Variants in SOX5 observed in about 807,000 individuals in gnomAD.
SOX5 encodes the protein SRY-box transcription factor 5, also known as transcription factor SOX-5.
In SOX5, 9 loss-of-function variants were observed where a neutral mutation model predicts 92.0. The observed-to-expected ratio is 0.10, with a 90% confidence interval of 0.06 to 0.17. The LOEUF is 0.17. Ranked by LOEUF, SOX5 falls within the 10% of genes least tolerant of loss-of-function variation. The pLI, the probability that SOX5 is intolerant of heterozygous loss-of-function variation, is 1.00. For synonymous variants in SOX5, 344 were observed against 336.3 expected, an observed-to-expected ratio of 1.02 and a Z score of -0.25; for missense variants, 642 against 944.5, an observed-to-expected ratio of 0.68 and a Z score of 4.20.
intron 1 of SOX5, among the ~76,000 whole-genome samples, chr12:23,930,115 T>C (rs1398177204): frequency 6.6e-6 from 1 of 151,796 alleles, no homozygotes; most frequent in South Asian, 2.1e-4. Context: ...AACCAATAAA[T>C]GTAACTGCGT....
intron 2 of SOX5, among the ~76,000 whole-genome samples, chr12:24,359,815 T>C (rs1380967737): frequency 1.3e-5 from 2 of 152,174 alleles, no homozygotes; most frequent in Admixed American, 6.5e-5. Flanking sequence ...TGCAAAGACA[T>C]TTGAATAGCC....
intron 6 of SOX5, among the ~76,000 whole-genome samples, chr12:23,680,353 A>C (rs982474396): frequency 5.3e-5 from 8 of 150,512 alleles, no homozygotes; most frequent in Non-Finnish European, 1.2e-4. Flanking sequence ...AAAAAGAAAA[A>C]TATAATAACA....
chr12:23,885,767 A>C (rs567178120), intron 2 of SOX5, among the ~76,000 whole-genome samples: 23 of 152,310 alleles, frequency 1.5e-4, no homozygotes, highest in African/African-American at 5.5e-4. Flanking sequence ...TGTCACCTTA[A>C]GTTAGGTTTA....
At chr12:23,973,160 C>CTTTTTTTTTTTT (rs60609193) in intron 4 of SOX5, among the ~76,000 whole-genome samples, 1 of 111,998 alleles carries the variant, frequency 8.9e-6, no homozygotes. Flanking sequence ...TAACTTTTTT[C>CTTTTTTTTTTTT]TTTTTTTTTT....
chr12:24,115,120 A>G (rs1947848305), intron 4 of SOX5, among the ~76,000 whole-genome samples: 1 of 152,214 alleles, frequency 6.6e-6, no homozygotes, highest in Non-Finnish European at 1.5e-5. Flanking sequence ...TTAATACAAA[A>G]AAGAGAAAAG....
At chr12:24,499,716 C>T (rs1435195783) in intron 1 of SOX5, among the ~76,000 whole-genome samples, 2 of 150,002 alleles carry the variant, frequency 1.3e-5, no homozygotes, top group African/African-American at 4.9e-5. Flanking sequence ...ATGCTAATAA[C>T]ACTTTAAAGT....
At chr12:24,329,633 T>G (rs1951074218) in intron 2 of SOX5, among the ~76,000 whole-genome samples, 2 of 152,220 alleles carry the variant, frequency 1.3e-5, no homozygotes, top group Admixed American at 1.3e-4. Flanking sequence ...AAGTAGGTCA[T>G]GGGAATACAA....
At chr12:23,799,740 C>CA (rs1050518193) in intron 3 of SOX5, among the ~76,000 whole-genome samples, 7 of 151,996 alleles carry the variant, frequency 4.6e-5, no homozygotes, top group Middle Eastern at 3.4e-3. Context: ...TTAATACTAA[C>CA]AAAATTTATC....
intron 5 of SOX5, among the ~76,000 whole-genome samples, chr12:23,736,055 A>T (rs1201146892): frequency 6.6e-6 from 1 of 152,176 alleles, no homozygotes; most frequent in Non-Finnish European, 1.5e-5. Flanking sequence ...ACATTTCATC[A>T]CATGGGATAG....
At chr12:23,559,021 G>T (rs1470343294) in intron 11 of SOX5, among the ~76,000 whole-genome samples, 2 of 152,234 alleles carry the variant, frequency 1.3e-5, no homozygotes, top group Admixed American at 6.5e-5. Flanking sequence ...TGGAGTGAGT[G>T]ACACAAACGG....
intron 1 of SOX5, among the ~76,000 whole-genome samples, chr12:24,409,542 C>G (rs867341047): frequency 6.6e-6 from 1 of 151,926 alleles, no homozygotes; most frequent in Non-Finnish European, 1.5e-5. Context: ...AAAATGTTGT[C>G]TTTTCTCTGA....
chr12:24,290,697 C>T (rs1343532823), intron 2 of SOX5, among the ~76,000 whole-genome samples: 1 of 152,142 alleles, frequency 6.6e-6, no homozygotes, highest in African/African-American at 2.4e-5. Context: ...CTGACGGACT[C>T]ACGCTATAAA....
intron 4 of SOX5, among the ~76,000 whole-genome samples, chr12:24,031,180 C>G (rs1164431337): frequency 6.9e-6 from 1 of 145,750 alleles, no homozygotes; most frequent in South Asian, 2.2e-4. Context: ...ACCATATGAT[C>G]CAGCAATCCT....
intron 4 of SOX5, among the ~76,000 whole-genome samples, chr12:24,103,361 T>C (rs1946309619): frequency 6.6e-6 from 1 of 152,122 alleles, no homozygotes; most frequent in Non-Finnish European, 1.5e-5. Flanking sequence ...TATCTTTTTT[T>C]TTTTTCTTCT....
intron 11 of SOX5, among the ~76,000 whole-genome samples, chr12:23,550,481 T>A (rs892469841): frequency 4.0e-5 from 6 of 151,844 alleles, no homozygotes; most frequent in African/African-American, 1.5e-4. Flanking sequence ...GTGGGGAAAA[T>A]TGAAAAGACA....
intron 3 of SOX5, among the ~76,000 whole-genome samples, chr12:23,816,334 C>G (rs1186401345): frequency 1.3e-5 from 2 of 151,658 alleles, no homozygotes; most frequent in Non-Finnish European, 2.9e-5. Flanking sequence ...CTCAGCCTCT[C>G]GAGTAGCTGG....
chr12:23,608,905 GA>G (rs1040602569), intron 8 of SOX5, among the ~76,000 whole-genome samples: 5 of 152,156 alleles, frequency 3.3e-5, no homozygotes, highest in African/African-American at 1.2e-4. Flanking sequence ...AGAGGAGAGA[GA>G]AAGTGTACAA....
At chr12:24,294,292 TC>T (rs1946952618) in intron 2 of SOX5, among the ~76,000 whole-genome samples, 1 of 151,994 alleles carries the variant, frequency 6.6e-6, no homozygotes, top group African/African-American at 2.4e-5. Context: ...TTTTTTTTTT[TC>T]CTCAACACTC....
chr12:23,693,930 T>C (rs1490742197), intron 6 of SOX5, among the ~76,000 whole-genome samples: 1 of 152,218 alleles, frequency 6.6e-6, no homozygotes, highest in Non-Finnish European at 1.5e-5. Flanking sequence ...GTATATCTTT[T>C]AGACAATTAT....
Sources: gnomAD v4.1 joint callset for allele counts (sites outside exome capture counted in the v4.1 genomes callset) on GRCh38, gnomAD v4.1.1 for gene constraint, MANE v1.5 for transcripts, NCBI Gene and HGNC (gene_info 2026-07-23, HGNC 2026-07-21) for gene names.